Variants in ZC3H12B observed in about 807,000 individuals in gnomAD.
The protein encoded by ZC3H12B is zinc finger CCCH-type containing 12B.
In ZC3H12B, 7 loss-of-function variants were observed where a neutral mutation model predicts 43.9. The observed-to-expected ratio is 0.16, with a 90% CI of 0.09 to 0.30. The LOEUF (loss-of-function observed/expected upper bound fraction) is 0.30, where lower values mean the gene tolerates loss of function less well. Among genes scored for constraint, ZC3H12B ranks in the 10% least tolerant of loss-of-function variants. The probability of loss-of-function intolerance (pLI) is 1.00; values close to 1 mark genes in which losing one functional copy is unlikely to be tolerated. For synonymous variants in ZC3H12B, 222 were observed against 241.7 expected (o/e 0.92, Z 0.76); for missense variants, 475 against 670.2 (o/e 0.71, Z 3.22).
the ZC3H12B span, among the ~76,000 whole-genome samples, chrX:65,317,674 C>A: frequency 9.3e-6 from 1 of 107,476 alleles, no homozygotes. Flanking sequence ...ATAATAGTCT[C>A]CAATTCCATC....
chrX:65,085,841 T>C, the ZC3H12B span, among the ~76,000 whole-genome samples: 2 of 111,707 alleles, frequency 1.8e-5, no homozygotes, highest in African/African-American at 6.5e-5. Flanking sequence ...AAAGAACTTT[T>C]TAAAACTACC....
intron 2 of ZC3H12B, among the ~76,000 whole-genome samples, chrX:65,385,302 G>T (rs1490600362): frequency 8.9e-6 from 1 of 111,776 alleles, no homozygotes; most frequent in Non-Finnish European, 1.9e-5. Context: ...TCTTCCATTT[G>T]TTTGTGTCCT....
chrX:65,338,531 T>C, the ZC3H12B span, among the ~76,000 whole-genome samples: 1 of 112,150 alleles, frequency 8.9e-6, no homozygotes, highest in South Asian at 3.7e-4. Context: ...AGAATTACAC[T>C]GATGCCAAAA....
the ZC3H12B span, among the ~76,000 whole-genome samples, chrX:65,212,221 T>G: frequency 7.7e-5 from 3 of 38,713 alleles, no homozygotes; most frequent in Admixed American, 5.7e-4. Flanking sequence ...ATATATTATA[T>G]ATTATATTAT....
rs756109798 is a variant in ZC3H12B, at chrX:65,499,876, C to T, written c.984-7C>T. ...AAGACAGTCACCTCTTGCTTACTTG[C>T]TTTCAGATTTATGCCTCCAGATGAT... On this transcript the variant is annotated splice_region_variant and splice_polypyrimidine_tract_variant and intron_variant, in intron 3 of 4. Transcript: ENST00000338957. The T allele has an allele frequency of 8.3e-7, 1 of 1,204,019 alleles. No individual in the cohort carries two copies. Among genetic ancestry groups the T allele is most frequent in the Non-Finnish European group, 1.1e-6 (1 of 888,832 alleles).
chrX:65,305,933 T>C, the ZC3H12B span, among the ~76,000 whole-genome samples: 1 of 112,223 alleles, frequency 8.9e-6, no homozygotes, highest in African/African-American at 3.2e-5. Flanking sequence ...TACTGTTGTC[T>C]GATTTACCCA....
intron 3 of ZC3H12B, among the ~76,000 whole-genome samples, chrX:65,416,462 T>A (rs189988800): frequency 9.6e-4 from 106 of 110,689 alleles, no homozygotes; most frequent in Non-Finnish European, 2.1e-4. Context: ...AACAGTAGCA[T>A]CAACATCACC....
At chrX:65,147,981 C>T in the ZC3H12B span, among the ~76,000 whole-genome samples, 4 of 110,243 alleles carry the variant, frequency 3.6e-5, no homozygotes, top group Middle Eastern at 9.4e-3. Context: ...GGTAATGAAG[C>T]CATGTAGGCT....
intron 3 of ZC3H12B, among the ~76,000 whole-genome samples, chrX:65,468,574 C>T (rs1457923098): frequency 8.6e-5 from 9 of 104,644 alleles, no homozygotes; most frequent in African/African-American, 2.8e-4. Context: ...AGCTCCGCCT[C>T]CCAGGTTCAC....
chrX:65,183,636 G>A, the ZC3H12B span, among the ~76,000 whole-genome samples: 1 of 111,717 alleles, frequency 9.0e-6, no homozygotes, highest in Non-Finnish European at 1.9e-5. Context: ...ATTTTTATTG[G>A]TGAGATACTT....
chrX:65,104,024 C>T, the ZC3H12B span, among the ~76,000 whole-genome samples: 2 of 111,563 alleles, frequency 1.8e-5, no homozygotes, highest in Non-Finnish European at 3.8e-5. Flanking sequence ...AACTATACTA[C>T]AAGTCTACAG....
At chrX:65,347,224 A>C in the ZC3H12B span, among the ~76,000 whole-genome samples, 1 of 111,571 alleles carries the variant, frequency 9.0e-6, no homozygotes, top group Admixed American at 9.6e-5. Flanking sequence ...TGACTTTTAG[A>C]AGGAAAACTA....
At chrX:65,112,526 G>A in the ZC3H12B span, among the ~76,000 whole-genome samples, 1 of 111,797 alleles carries the variant, frequency 8.9e-6, no homozygotes, top group Admixed American at 9.5e-5. Context: ...TCTTGTTAGG[G>A]GCTAATGCAG....
the ZC3H12B span, among the ~76,000 whole-genome samples, chrX:65,219,946 T>C: frequency 9.1e-6 from 1 of 110,357 alleles, no homozygotes; most frequent in African/African-American, 3.3e-5. Context: ...ATTTTAACAG[T>C]TGTGAGGCAA....
At chrX:65,159,339 A>T in the ZC3H12B span, among the ~76,000 whole-genome samples, 2 of 111,599 alleles carry the variant, frequency 1.8e-5, no homozygotes, top group African/African-American at 6.5e-5. Flanking sequence ...ATGTCATTGA[A>T]TCTATAAATT....
At chrX:65,069,604 G>A in the ZC3H12B span, among the ~76,000 whole-genome samples, 1 of 111,471 alleles carries the variant, frequency 9.0e-6, no homozygotes, top group African/African-American at 3.3e-5. Context: ...GTCAACAGGT[G>A]GCAAAGCAAG....
chrX:65,473,898 A>C (rs946957948), intron 3 of ZC3H12B, among the ~76,000 whole-genome samples: 1 of 112,128 alleles, frequency 8.9e-6, no homozygotes, highest in African/African-American at 3.2e-5. Flanking sequence ...CATGTGATCT[A>C]TCTGGAGAAT....
the ZC3H12B span, among the ~76,000 whole-genome samples, chrX:65,359,157 G>GA: frequency 7.4e-3 from 777 of 104,406 alleles, 5 homozygotes; most frequent in Non-Finnish European, 0.011. Flanking sequence ...GACTGCCTCA[G>GA]AAAAAAAAAA....
intron 3 of ZC3H12B, among the ~76,000 whole-genome samples, chrX:65,400,381 C>A (rs1393797248): frequency 9.0e-6 from 1 of 110,547 alleles, no homozygotes; most frequent in Non-Finnish European, 1.9e-5. Flanking sequence ...CAGATCTATG[C>A]CTCATCTGGT....
Sources: gnomAD v4.1 joint callset for allele counts (sites outside exome capture counted in the v4.1 genomes callset) on GRCh38, gnomAD v4.1.1 for gene constraint, MANE v1.5 for transcripts, NCBI Gene and HGNC (gene_info 2026-07-23, HGNC 2026-07-21) for gene names.